The following LINGO2 variants were observed in gnomAD, a reference collection of about 807,000 sequenced individuals.
LINGO2 encodes the protein leucine-rich repeat and immunoglobulin-like domain-containing nogo receptor-interacting protein 2.
In LINGO2, 14 loss-of-function variants were observed where a neutral mutation model predicts 30.6. That is an observed-to-expected ratio of 0.46 (90% CI 0.30 to 0.72). LINGO2 has a LOEUF of 0.72. Ranked by LOEUF, LINGO2 falls within the 30% of genes least tolerant of loss-of-function variation. The probability of loss-of-function intolerance (pLI) is 0.07; values close to 1 mark genes in which losing one functional copy is unlikely to be tolerated. For missense variants in LINGO2, 729 were observed against 751.7 expected, an observed-to-expected ratio of 0.97 and a Z score of 0.35; for synonymous variants, 317 against 288.5, an observed-to-expected ratio of 1.10 and a Z score of -1.00.
At chr9:29,053,696 A>C in the LINGO2 span, among the ~76,000 whole-genome samples, 2 of 152,206 alleles carry the variant, frequency 1.3e-5, no homozygotes, top group Non-Finnish European at 2.9e-5. Context: ...ACCAATTATT[A>C]CATGAATAAA....
the LINGO2 span, among the ~76,000 whole-genome samples, chr9:28,951,324 T>C: frequency 6.8e-6 from 1 of 147,748 alleles, no homozygotes; most frequent in African/African-American, 2.5e-5. Flanking sequence ...GGTTTGGGAC[T>C]CTGCACACCA....
chr9:28,584,549 C>T (rs1824433875), intron 1 of LINGO2, among the ~76,000 whole-genome samples: 1 of 151,532 alleles, frequency 6.6e-6, no homozygotes. Flanking sequence ...AAGGAATTGA[C>T]CAAAAAAAAA....
chr9:29,060,831 T>C, the LINGO2 span, among the ~76,000 whole-genome samples: 1 of 151,738 alleles, frequency 6.6e-6, no homozygotes, highest in East Asian at 1.9e-4. Flanking sequence ...CAACTGTAAT[T>C]ACCCAATCTG....
intron 1 of LINGO2, among the ~76,000 whole-genome samples, chr9:28,551,844 T>A (rs1469652642): frequency 2.6e-5 from 4 of 152,064 alleles, no homozygotes; most frequent in Admixed American, 2.6e-4. Flanking sequence ...GTCCTCAGCC[T>A]CTCATCATTA....
chr9:28,727,182 C>T, the LINGO2 span, among the ~76,000 whole-genome samples: 17 of 152,074 alleles, frequency 1.1e-4, no homozygotes, highest in Admixed American at 2.6e-4. Flanking sequence ...GACTCTTAAC[C>T]TTAGTTTTGA....
At chr9:28,879,755 A>T in the LINGO2 span, among the ~76,000 whole-genome samples, 1 of 152,190 alleles carries the variant, frequency 6.6e-6, no homozygotes, top group Middle Eastern at 3.2e-3. Flanking sequence ...CACTGTGAGT[A>T]GATCTGGGTA....
In LINGO2 at chr9:28,126,854, C is replaced by T. The variant is rs185630473; in HGVS notation, c.-86-114449G>A. Among the ~76,000 whole-genome samples the T allele has an allele frequency of 1.2e-4, 19 of 152,300 alleles. No individual in the cohort carries two copies. The East Asian group carries it at 3.5e-3, about 28-fold the overall frequency. ...CAGTGAGCAGAAGGATATTATTCTC[C>T]TTCAGAGAAACAGTACTCTCTAAAC... On this transcript the variant is annotated intron_variant, in intron 4 of 5. Coordinates refer to ENST00000379992, the Ensembl canonical transcript of LINGO2.
chr9:28,742,479 G>C, the LINGO2 span, among the ~76,000 whole-genome samples: 34 of 151,248 alleles, frequency 2.2e-4, 1 homozygote, highest in Admixed American at 1.3e-3. Context: ...CAGTGGTTGC[G>C]ATTGGGCTTT....
At chr9:28,815,197 C>T in the LINGO2 span, among the ~76,000 whole-genome samples, 1 of 152,142 alleles carries the variant, frequency 6.6e-6, no homozygotes, top group South Asian at 2.1e-4. Flanking sequence ...ACAACCCAAC[C>T]AAGAAATTCA....
At chr9:28,175,679 A>G (rs79119373) in intron 4 of LINGO2, among the ~76,000 whole-genome samples, 15,009 of 152,258 alleles carry the variant, frequency 0.099, 868 homozygotes, top group East Asian at 0.19. Context: ...CCTATCCAGG[A>G]ATATGCTTTT....
chr9:28,761,976 T>C, the LINGO2 span, among the ~76,000 whole-genome samples: 2 of 152,046 alleles, frequency 1.3e-5, no homozygotes, highest in Admixed American at 1.3e-4. Context: ...CATCACATCG[T>C]GGTTTAATGC....
chr9:28,969,370 G>A, the LINGO2 span, among the ~76,000 whole-genome samples: 1 of 152,132 alleles, frequency 6.6e-6, no homozygotes, highest in South Asian at 2.1e-4. Context: ...GGCAGGTAGT[G>A]GGCCCTGTGC....
At chr9:29,083,619 A>G in the LINGO2 span, among the ~76,000 whole-genome samples, 1 of 150,268 alleles carries the variant, frequency 6.7e-6, no homozygotes, top group Non-Finnish European at 1.5e-5. Flanking sequence ...GGGAGCACCC[A>G]AAGATAAATA....
At chr9:28,175,565 T>C (rs1457086643) in intron 4 of LINGO2, among the ~76,000 whole-genome samples, 1 of 152,178 alleles carries the variant, frequency 6.6e-6, no homozygotes, top group African/African-American at 2.4e-5. Flanking sequence ...GTAATTTTGT[T>C]ATTATTCATG....
the LINGO2 span, among the ~76,000 whole-genome samples, chr9:29,127,146 T>C: frequency 1.3e-5 from 2 of 152,120 alleles, no homozygotes; most frequent in African/African-American, 2.4e-5. Context: ...CTAGAGAGTA[T>C]TTAAGCCCCA....
chr9:28,923,379 G>C, the LINGO2 span, among the ~76,000 whole-genome samples: 29 of 152,226 alleles, frequency 1.9e-4, no homozygotes, highest in Non-Finnish European at 2.9e-4. Context: ...TTTGTTTTTG[G>C]AGCAGTATTT....
At chr9:29,089,768 T>C in the LINGO2 span, among the ~76,000 whole-genome samples, 1 of 152,196 alleles carries the variant, frequency 6.6e-6, no homozygotes, top group Non-Finnish European at 1.5e-5. Flanking sequence ...TTGGTTTTTA[T>C]CTGCTTGGTC....
intron 4 of LINGO2, among the ~76,000 whole-genome samples, chr9:28,218,957 TTAGC>T (rs1820864183): frequency 6.6e-6 from 1 of 152,228 alleles, no homozygotes; most frequent in Non-Finnish European, 1.5e-5. Context: ...AATTTGCACG[TTAGC>T]TTGGATAACC....
the LINGO2 span, among the ~76,000 whole-genome samples, chr9:28,771,346 C>G: frequency 6.6e-6 from 1 of 151,596 alleles, no homozygotes; most frequent in African/African-American, 2.4e-5. Context: ...CTGTTTTCCT[C>G]TAGAATTTAC....
Sources: allele counts gnomAD v4.1 joint callset (sites outside exome capture counted in the v4.1 genomes callset), GRCh38; gene constraint gnomAD v4.1.1; transcripts MANE v1.5; gene names NCBI Gene and HGNC (gene_info 2026-07-23, HGNC 2026-07-21).